The following ZNF512 variants were observed in gnomAD, a reference collection of about 807,000 sequenced individuals.
ZNF512 encodes zinc finger protein 512.
In ZNF512, 25 loss-of-function variants were observed where a neutral mutation model predicts 77.5. The observed-to-expected ratio is 0.32, with a 90% CI of 0.23 to 0.45. The LOEUF is 0.45. ZNF512 is among the 20% of genes least tolerant of loss of function. The pLI is 1.00. For synonymous variants in ZNF512, 246 were observed against 239.9 expected (o/e 1.03, Z -0.24); for missense variants, 483 against 692.6 (o/e 0.70, Z 3.40).
At chr2:27,586,025 A>G (rs557678921) in intron 2 of ZNF512, among the ~76,000 whole-genome samples, 2 of 152,156 alleles carry the variant, frequency 1.3e-5, no homozygotes, top group African/African-American at 2.4e-5. Flanking sequence ...CCTTGATTTA[A>G]TCTCCAAGAG....
chr2:27,620,199 G>A (rs1355751460), intron 13 of ZNF512, among the ~76,000 whole-genome samples: 1 of 152,096 alleles, frequency 6.6e-6, no homozygotes, highest in South Asian at 2.1e-4. Context: ...AAATTATTGA[G>A]ATATTTTACA....
intron 2 of ZNF512, 104 bp downstream of exon 2, chr2:27,583,820 CA>C: frequency 8.0e-7 from 1 of 1,246,658 alleles, no homozygotes; most frequent in Non-Finnish European, 1.1e-6. Context: ...TGTCCAGTAT[CA>C]TAGCCACTAA....
At chr2:27,585,084 T>G (rs552407210) in intron 2 of ZNF512, among the ~76,000 whole-genome samples, 1 of 152,250 alleles carries the variant, frequency 6.6e-6, no homozygotes, top group South Asian at 2.1e-4. Context: ...GAACAACGTA[T>G]AGGGAATGTA....
chr2:27,600,743 C>G lies in ZNF512; in HGVS notation c.510C>G (p.Ser170=), dbSNP rs529026548. ...YLEIVDKGSV[S]CPTCQAVGRK... ...AAATCGTTGATAAAGGCAGTGTCTC[C>G]TGCCCTACCTGCCAGGCAGTGGGGA... is the stretch of plus-strand genomic sequence containing the variant. The change falls in exon 6 of 14, where the codon TCC becomes TCG. Residue 170 remains serine (S), a synonymous_variant. Coordinates refer to ENST00000355467, the MANE Select transcript of ZNF512 (RefSeq NM_032434.4). 7 of 1,614,010 alleles carry G rather than the reference C, an allele frequency of 4.3e-6. No individual in the cohort carries two copies. In the South Asian group the frequency reaches 7.7e-5, roughly 18 times the overall value.
At chr2:27,605,379 A>G (rs1172619062) in intron 9 of ZNF512, among the ~76,000 whole-genome samples, 3 of 151,714 alleles carry the variant, frequency 2.0e-5, no homozygotes, top group African/African-American at 7.3e-5. Context: ...GTTTGAGCCC[A>G]GGAGGCGGAG....
chr2:27,610,581 T>TATACA (rs1558474954), intron 10 of ZNF512, among the ~76,000 whole-genome samples: 8 of 51,468 alleles, frequency 1.6e-4, no homozygotes, highest in African/African-American at 5.7e-4. Context: ...TTTTTTTTTT[T>TATACA]TTTTTTTTTT....
At chr2:27,596,068 C>T (rs1671855709) in intron 2 of ZNF512, among the ~76,000 whole-genome samples, 1 of 152,124 alleles carries the variant, frequency 6.6e-6, no homozygotes, top group Admixed American at 6.5e-5. Context: ...GGCCACCCTG[C>T]TTCAGGTTCA....
intron 2 of ZNF512, among the ~76,000 whole-genome samples, chr2:27,588,310 C>T (rs1008832531): frequency 3.3e-5 from 5 of 151,876 alleles, no homozygotes; most frequent in African/African-American, 9.7e-5. Flanking sequence ...GGCGACAGAG[C>T]GAGATTCCGT....
chr2:27,601,044 A>G (rs1672095216), intron 6 of ZNF512, among the ~76,000 whole-genome samples: 1 of 152,220 alleles, frequency 6.6e-6, no homozygotes, highest in African/African-American at 2.4e-5. Flanking sequence ...TAAAATAGAG[A>G]AAAAATAATA....
chr2:27,583,708 A>G lies in ZNF512; in HGVS notation c.81A>G (p.Gly27=), dbSNP rs1314113787. The change falls in exon 2 of 14, where the codon GGA becomes GGG. Residue 27 remains glycine, a synonymous_variant. Coordinates refer to ENST00000355467, the MANE Select transcript of ZNF512 (RefSeq NM_032434.4). ...AGCAGAGGAGCACGAGGATCGTGGG[A>G]GCTAAGAAGTAAGTGAGGTTTTCTA... ...FKQQRSTRIV[G]AKNSRTQCSI... is the part of the protein sequence containing the mutation. The G allele has an allele frequency of 6.2e-7, 1 of 1,613,890 alleles. No homozygotes were observed. Among genetic ancestry groups the G allele is most frequent in the Non-Finnish European group, 8.5e-7 (1 of 1,179,992 alleles).
intron 2 of ZNF512, among the ~76,000 whole-genome samples, chr2:27,591,986 A>G (rs2148006918): frequency 6.6e-6 from 1 of 152,196 alleles, no homozygotes; most frequent in East Asian, 1.9e-4. Context: ...ATAGTTTCTT[A>G]TTTATTTAAA....
At chr2:27,607,742 C>T in intron 9 of ZNF512, 103 bp from the exon 10 acceptor site, 2 of 1,081,634 alleles carry the variant, frequency 1.8e-6, no homozygotes, top group Middle Eastern at 2.8e-4. Context: ...CAATCTACTA[C>T]ATAGCTCTTT....
At chr2:27,616,788 A>G (rs1572936917) in intron 12 of ZNF512, among the ~76,000 whole-genome samples, 2 of 152,062 alleles carry the variant, frequency 1.3e-5, no homozygotes, top group African/African-American at 4.8e-5. Flanking sequence ...ACAGCCATTC[A>G]CCTCACTGAA....
Position 27,598,164 on chromosome 2 carries a change from C to A in ZNF512, c.187C>A (p.Pro63Thr), listed in dbSNP as rs1671954804. The change falls in exon 3 of 14, where the codon CCA (proline) becomes ACA (threonine). Residue 63 changes from proline (P) to threonine (T), a missense_variant. Physicochemically the swap from Pro to Thr is conservative, Grantham distance 38 (BLOSUM62 -1). Transcript: ENST00000355467. ...TTCATCGTCTGCATCTTCGTGTGAA[C>A]CAGTGAGTGATTTTCCAGCATCTTT... Reference protein sequence around the residue: ...SGSSSASSCEPVSDFPASFRK... With the variant: ...SGSSSASSCETVSDFPASFRK... 1 of 1,614,114 alleles carries A rather than the reference C, an allele frequency of 6.2e-7. No homozygotes were observed. The highest frequency in any genetic ancestry group is 8.5e-7 in the Non-Finnish European group (1 of 1,180,008).
intron 9 of ZNF512, among the ~76,000 whole-genome samples, chr2:27,605,669 G>T (rs1672323955): frequency 6.6e-6 from 1 of 151,938 alleles, no homozygotes; most frequent in Non-Finnish European, 1.5e-5. Context: ...AGAGATGGGT[G>T]TTCGCCATGT....
chr2:27,602,460 T>A lies in ZNF512; in HGVS notation c.670-3T>A. On this transcript the variant is annotated splice_polypyrimidine_tract_variant and splice_region_variant and intron_variant, in intron 7 of 13. Coordinates refer to ENST00000355467, the MANE Select transcript of ZNF512 (RefSeq NM_032434.4). The stretch of plus-strand genomic sequence containing the variant: ...CTTCTTGTTTACTTCTCTTGATTTC[T>A]AGCCCATTTTGAAAGCCGGAGATGA... 6.2e-7 allele frequency: 1 copy of A among 1,612,968 alleles called. No individual in the cohort carries two copies.
chr2:27,616,369 T>C (rs1364453838), intron 12 of ZNF512, 45 bp downstream of exon 12: 2 of 1,450,064 alleles, frequency 1.4e-6, no homozygotes, highest in Admixed American at 1.7e-5. Context: ...TCCTCTAAAA[T>C]AGTCTGACAT....
chr2:27,611,487 G>A lies in ZNF512; in HGVS notation c.1131+3448G>A, dbSNP rs534277989. On this transcript the variant is annotated intron_variant, in intron 10 of 13. Coordinates refer to ENST00000355467, the MANE Select transcript of ZNF512 (RefSeq NM_032434.4). ...CCTTCTCCATGTATCATATCAAAAG[G>A]TATATGATGTTGATATGTCTCTTAC... 2.6e-4 allele frequency among the ~76,000 whole-genome samples: 40 copies of A among 152,228 alleles called. 1 individual carries two copies. The South Asian group carries it at 8.3e-3, about 32-fold the overall frequency.
chr2:27,592,320 T>A (rs1018186492), intron 2 of ZNF512, among the ~76,000 whole-genome samples: 6 of 148,810 alleles, frequency 4.0e-5, no homozygotes, highest in Admixed American at 2.7e-4. Context: ...TTTATTTTTA[T>A]TTTTTTTTTG....
Sources: gnomAD v4.1 joint callset for allele counts (sites outside exome capture counted in the v4.1 genomes callset) on GRCh38, gnomAD v4.1.1 for gene constraint, MANE v1.5 for transcripts, NCBI Gene and HGNC (gene_info 2026-07-23, HGNC 2026-07-21) for gene names.